Variants in MPP7 observed in about 807,000 individuals in gnomAD.
MPP7 encodes MAGUK p55 subfamily member 7.
A neutral mutation model predicts 76.5 loss-of-function variants in MPP7; 60 were observed. The ratio of observed to expected loss-of-function variants is 0.78; its 90% CI spans 0.64 to 0.97. The LOEUF is 0.97. Among genes scored for constraint, MPP7 ranks in the 50% least tolerant of loss-of-function variants. MPP7 has a pLI of 0.00. For missense variants in MPP7, 641 were observed against 694.0 expected, an observed-to-expected ratio of 0.92 and a Z score of 0.86; for synonymous variants, 237 against 244.5, an observed-to-expected ratio of 0.97 and a Z score of 0.29.
intron 2 of MPP7, among the ~76,000 whole-genome samples, chr10:28,326,051 G>A (rs559831210): frequency 1.3e-4 from 19 of 151,834 alleles, no homozygotes; most frequent in African/African-American, 3.1e-4. Context: ...TATAGGACAC[G>A]GCATAGCCCA....
chr10:28,261,912 G>A (rs1293345419), intron 1 of MPP7, among the ~76,000 whole-genome samples: 1 of 150,106 alleles, frequency 6.7e-6, no homozygotes. Context: ...CACTTTGGGA[G>A]GCCGAGGTGG....
chr10:28,322,078 G>A (rs1025382122), intron 2 of MPP7, among the ~76,000 whole-genome samples: 2 of 150,916 alleles, frequency 1.3e-5, no homozygotes, highest in Non-Finnish European at 2.9e-5. Flanking sequence ...GCCACTTCAG[G>A]GCCATGTGAC....
At chr10:28,277,509 G>A (rs1840540036) in intron 1 of MPP7, among the ~76,000 whole-genome samples, 1 of 152,070 alleles carries the variant, frequency 6.6e-6, no homozygotes, top group Non-Finnish European at 1.5e-5. Flanking sequence ...ATGGGCCGCA[G>A]GTTGGATAGG....
intron 3 of MPP7, among the ~76,000 whole-genome samples, chr10:28,189,026 A>G (rs1221634359): frequency 6.6e-6 from 1 of 152,106 alleles, no homozygotes; most frequent in African/African-American, 2.4e-5. Context: ...CTACACAAAA[A>G]AAAGGAAGGA....
At chr10:28,060,571 C>G (rs550830893) in intron 13 of MPP7, among the ~76,000 whole-genome samples, 164 of 152,276 alleles carry the variant, frequency 1.1e-3, no homozygotes, top group African/African-American at 3.7e-3. Context: ...CTATTTTCCT[C>G]TTAGCTTTGC....
chr10:28,157,327 G>T (rs1358748891), intron 3 of MPP7, among the ~76,000 whole-genome samples: 1 of 152,176 alleles, frequency 6.6e-6, no homozygotes, highest in Non-Finnish European at 1.5e-5. Context: ...TATCATTTGG[G>T]AATCCAAAGA....
At chr10:28,069,713 T>C in intron 13 of MPP7, 59 bp downstream of exon 13, 1 of 1,344,616 alleles carries the variant, frequency 7.4e-7, no homozygotes, top group Non-Finnish European at 1.0e-6. Context: ...AATAATTTTT[T>C]AAAAATTTAA....
intron 1 of MPP7, among the ~76,000 whole-genome samples, chr10:28,279,167 A>G (rs1840593064): frequency 6.6e-6 from 1 of 152,042 alleles, no homozygotes; most frequent in Non-Finnish European, 1.5e-5. Flanking sequence ...CTCCAGTGGC[A>G]GCAACTAGGC....
intron 11 of MPP7, among the ~76,000 whole-genome samples, chr10:28,093,843 G>A (rs1209527983): frequency 6.6e-6 from 1 of 152,134 alleles, no homozygotes; most frequent in Non-Finnish European, 1.5e-5. Context: ...TCAAAGATGG[G>A]GACCATGTTG....
chr10:28,141,606 G>A (rs1386414834), intron 5 of MPP7, among the ~76,000 whole-genome samples: 1 of 150,812 alleles, frequency 6.6e-6, no homozygotes, highest in Admixed American at 6.6e-5. Context: ...GTGTAGATGT[G>A]TGTATACATA....
rs994681141 is a variant in MPP7, at chr10:28,286,808, G to GA, written c.-132+16052dup. Among the ~76,000 whole-genome samples, 13 of 150,282 alleles carry GA rather than the reference G, an allele frequency of 8.7e-5. 1 individual carries two copies. Among genetic ancestry groups the GA allele is most frequent in the African/African-American group, 3.2e-4 (13 of 40,988 alleles). On this transcript the variant is annotated intron_variant, in intron 1 of 16. Transcript: ENST00000683449. The stretch of plus-strand genomic sequence containing the variant: ...CATGACCACTGCGAACTCACAGTGG[G>GA]AAAAAAAAAGGACGGTTTCATATAA...
intron 1 of MPP7, among the ~76,000 whole-genome samples, chr10:28,248,060 C>T (rs181128684): frequency 6.6e-5 from 10 of 152,150 alleles, no homozygotes; most frequent in Admixed American, 2.6e-4. Flanking sequence ...TATGTAAAGA[C>T]GGAGCAAAAA....
intron 1 of MPP7, among the ~76,000 whole-genome samples, chr10:28,249,928 T>C (rs1839559937): frequency 6.6e-6 from 1 of 152,132 alleles, no homozygotes; most frequent in Admixed American, 6.5e-5. Context: ...ACATTTGAAA[T>C]TTTTGTTGAT....
chr10:28,055,569 T>C (rs1304270300), intron 16 of MPP7, among the ~76,000 whole-genome samples: 2 of 152,226 alleles, frequency 1.3e-5, no homozygotes, highest in Non-Finnish European at 2.9e-5. Context: ...TAGTCATGAA[T>C]ATACCACAAT....
At chr10:28,217,091 T>C (rs986510101) in intron 2 of MPP7, among the ~76,000 whole-genome samples, 37 of 152,336 alleles carry the variant, frequency 2.4e-4, no homozygotes, top group African/African-American at 8.9e-4. Flanking sequence ...GGTTCCTGTT[T>C]ATAGTTTCAG....
intron 15 of MPP7, among the ~76,000 whole-genome samples, chr10:28,056,886 G>A (rs1277382258): frequency 2.0e-5 from 3 of 152,106 alleles, no homozygotes; most frequent in Non-Finnish European, 2.9e-5. Context: ...TCACAAAACT[G>A]GTTTTTAGAT....
intron 3 of MPP7, among the ~76,000 whole-genome samples, chr10:28,189,315 C>T (rs1316782080): frequency 6.6e-6 from 1 of 152,068 alleles, no homozygotes; most frequent in East Asian, 1.9e-4. Context: ...GTAATCCCAG[C>T]ACTTTGGGAG....
At chr10:28,168,619 C>A (rs973562579) in intron 3 of MPP7, among the ~76,000 whole-genome samples, 1 of 152,078 alleles carries the variant, frequency 6.6e-6, no homozygotes, top group African/African-American at 2.4e-5. Flanking sequence ...CCCGGGTTCA[C>A]ACCATTCTCC....
At chr10:28,118,535 G>A in intron 11 of MPP7, 1 of 985,380 alleles carries the variant, frequency 1.0e-6, no homozygotes, top group Non-Finnish European at 1.2e-6. Context: ...GAGCCTCAAA[G>A]CTCCTTTCTG....
Sources: gnomAD v4.1 joint callset for allele counts (sites outside exome capture counted in the v4.1 genomes callset) on GRCh38, gnomAD v4.1.1 for gene constraint, MANE v1.5 for transcripts, NCBI Gene and HGNC (gene_info 2026-07-23, HGNC 2026-07-21) for gene names.